Variants in DCAF11 observed in about 807,000 individuals in gnomAD.
The protein encoded by DCAF11 is DDB1 and CUL4 associated factor 11, also known as DDB1- and CUL4-associated factor 11.
A neutral mutation model predicts 76.1 loss-of-function variants in DCAF11; 44 were observed. The observed-to-expected ratio is 0.58, with a 90% confidence interval of 0.45 to 0.74. DCAF11 has a LOEUF of 0.74. Among genes scored for constraint, DCAF11 ranks in the 30% least tolerant of loss-of-function variants. The probability of loss-of-function intolerance (pLI) is 0.00; values close to 1 mark genes in which losing one functional copy is unlikely to be tolerated. For missense variants in DCAF11, 604 were observed against 709.4 expected (o/e 0.85, Z 1.69); for synonymous variants, 258 against 255.0 (o/e 1.01, Z -0.11).
At position 24,114,914 on chromosome 14, in the gene DCAF11, G is replaced by A. The variant is rs2037505450; in HGVS notation, c.-593G>A. 3.0e-6 allele frequency: 3 copies of A among 985,966 alleles called. No individual in the cohort carries two copies. The highest frequency in any genetic ancestry group is 3.6e-6 in the Non-Finnish European group (3 of 829,968). 61.1% of individuals were successfully genotyped at this position (985,966 alleles called of 1,614,324 possible). A position where few individuals can be genotyped will look rare whatever the true frequency, so the allele number is the denominator to read the frequency against. On this transcript the variant is annotated 5_prime_UTR_variant, in exon 1 of 15. Transcript: ENST00000446197. ...TCGCGCCGCTGCGGGTCCTGCGACCGCTCCTGGCTGGTGGGTGGTCTCGCG... is the reference window on the plus strand; with the variant it reads ...TCGCGCCGCTGCGGGTCCTGCGACCACTCCTGGCTGGTGGGTGGTCTCGCG...
chr14:24,117,893 T>C lies in DCAF11; in HGVS notation c.476+161T>C, dbSNP rs2037612504. 6.6e-6 allele frequency among the ~76,000 whole-genome samples: 1 copy of C among 152,188 alleles called. No individual in the cohort carries two copies. Among genetic ancestry groups the C allele is most frequent in the African/African-American group, 2.4e-5 (1 of 41,438 alleles). On this transcript the variant is annotated intron_variant, in intron 5 of 14. Coordinates refer to ENST00000446197, the MANE Select transcript of DCAF11 (RefSeq NM_025230.5). This position sits in a 1 kb window ranked among gnomAD's most constrained non-coding sequence, Gnocchi z 4.3. ...CAAAGTAGAAAAGTGTAGAAAATTG[T>C]AGAAATTTAGAGGATGGTGGAATGG...
chr14:24,118,897 G>T, intron 8 of DCAF11, 93 bp downstream of exon 8: 1 of 1,441,356 alleles, frequency 6.9e-7, no homozygotes. Flanking sequence ...TCTGTTTAGG[G>T]GAAAAAGTAT....
chr14:24,123,568 G>T lies in DCAF11; in HGVS notation c.*259G>T. ...CAGGACTGCCATTATCTGGGGTGTG[G>T]CCTCTGCCAGCAAGAGAAGTGTCCT... On this transcript the variant is annotated 3_prime_UTR_variant, in exon 15 of 15. Transcript: ENST00000446197. 2.3e-6 allele frequency: 1 copy of T among 437,102 alleles called. No individual in the cohort carries two copies. The highest frequency in any genetic ancestry group is 3.6e-5 in the East Asian group (1 of 28,070). The allele number at this position is 437,102 out of a possible 1,614,324, so 27.1% of individuals were successfully genotyped here.
At chr14:24,122,506 AGAAAAAG>A (rs2037709838) in intron 13 of DCAF11, among the ~76,000 whole-genome samples, 1 of 151,156 alleles carries the variant, frequency 6.6e-6, no homozygotes, top group African/African-American at 2.4e-5. Flanking sequence ...AAAAAAAAAA[AGAAAAAG>A]AAAAAAAAAA....
chr14:24,124,296 A>C lies in DCAF11; in HGVS notation c.*987A>C, dbSNP rs968147037. 1 of 152,282 alleles carries C rather than the reference A, an allele frequency of 6.6e-6. No homozygotes were observed. Among genetic ancestry groups the C allele is most frequent in the Admixed American group, 6.5e-5 (1 of 15,286 alleles). The allele number at this position is 152,282 out of a possible 1,614,324, so 9.4% of individuals were successfully genotyped here. A position where few individuals can be genotyped will look rare whatever the true frequency, so the allele number is the denominator to read the frequency against. ...TTTCCATTAGAGCCTGGTAATACCC[A>C]TATCACCTCTGCTCTGAGGCTGGGC... On this transcript the variant is annotated 3_prime_UTR_variant, in exon 15 of 15. Coordinates refer to ENST00000446197, the MANE Select transcript of DCAF11 (RefSeq NM_025230.5).
intron 13 of DCAF11, 155 bp downstream of exon 13, chr14:24,121,672 A>ATGGT: frequency 1.3e-6 from 1 of 774,066 alleles, no homozygotes; most frequent in Non-Finnish European, 2.0e-6. Context: ...AATAGAAACC[A>ATGGT]TTCTATTTTT....
intron 2 of DCAF11, among the ~76,000 whole-genome samples, chr14:24,116,644 T>A (rs2037576252): frequency 6.6e-6 from 1 of 152,236 alleles, no homozygotes; most frequent in South Asian, 2.1e-4. Context: ...GGTCTTGCTC[T>A]TGTTCTAAGG....
At chr14:24,118,685 C>T (rs1486649722) in intron 7 of DCAF11, 65 bp from the exon 8 acceptor site, 3 of 1,604,298 alleles carry the variant, frequency 1.9e-6, no homozygotes, top group Non-Finnish European at 1.7e-6. Context: ...GATCTCTTCC[C>T]TAGCTTCACT....
Position 24,121,500 on chromosome 14 carries a change from C to G in DCAF11, c.1382C>G (p.Ser461Cys), listed in dbSNP as rs2037690492. 2 of 1,614,132 alleles carry G rather than the reference C, an allele frequency of 1.2e-6. No homozygotes were observed. Among genetic ancestry groups the G allele is most frequent in the Non-Finnish European group, 1.7e-6 (2 of 1,180,016 alleles). The change falls in exon 13 of 15, where the codon TCC becomes TGC. Residue 461 changes from serine (S) to cysteine (C), a missense_variant. Physicochemically the swap from Ser to Cys is moderately radical, Grantham distance 112. Transcript: ENST00000446197. ...CAGCAGTTCATCTACAGTGGCTGCT[C>G]CACTGGCAAAGTGGTTGGTAAGGAT... ...TGQQFIYSGCSTGKVVVYDLL... is the reference protein window; with the variant it reads ...TGQQFIYSGCCTGKVVVYDLL...
chr14:24,119,316 C>A, intron 9 of DCAF11, 103 bp downstream of exon 9: 4 of 1,454,156 alleles, frequency 2.8e-6, no homozygotes, highest in Non-Finnish European at 3.9e-6. Flanking sequence ...CAGAGAACAA[C>A]CAGACCTTCT....
In DCAF11 at chr14:24,124,153, C is replaced by G. The variant is rs568782163; in HGVS notation, c.*844C>G. On this transcript the variant is annotated 3_prime_UTR_variant, in exon 15 of 15. Transcript: ENST00000446197. ...GCGATCCTGTGTAGGAGAAAATACCCTTCTGGTGCCCCATGAAAAAGGGAA... is the reference window on the plus strand; with the variant it reads ...GCGATCCTGTGTAGGAGAAAATACCGTTCTGGTGCCCCATGAAAAAGGGAA... 1.3e-5 allele frequency: 2 copies of G among 152,246 alleles called. No homozygotes were observed. The highest frequency in any genetic ancestry group is 4.8e-5 in the African/African-American group (2 of 41,466). 9.4% of individuals were successfully genotyped at this position (152,246 alleles called of 1,614,324 possible).
rs2037610678 is a variant in DCAF11 at position 24,117,771 on chromosome 14, A to ATAGGTCTTATCTCCTAAACTTTGAAGGG, written c.476+40_476+67dup. On this transcript the variant is annotated intron_variant, in intron 5 of 14. Transcript: ENST00000446197. This position sits in a 1 kb window ranked among gnomAD's most constrained non-coding sequence, Gnocchi z 4.3. ...TTGGTGAAGAGACTCTAAGGGCCAG[A>ATAGGTCTTATCTCCTAAACTTTGAAGGG]TAGGTCTTATCTCCTAAACTTTGAA... The ATAGGTCTTATCTCCTAAACTTTGAAGGG allele has an allele frequency of 5.6e-6, 9 of 1,600,430 alleles. No homozygotes were observed. Among genetic ancestry groups the ATAGGTCTTATCTCCTAAACTTTGAAGGG allele is most frequent in the African/African-American group, 1.3e-5 (1 of 74,582 alleles).
rs1455000830 is a variant in DCAF11 at position 24,119,363 on chromosome 14, C to T, written c.848+150C>T. ...GATTTACAAGTTGCTTCACCCCTTG[C>T]TCTCCATTTCCCCAGCACGAGATTG... is the stretch of plus-strand genomic sequence containing the variant. On this transcript the variant is annotated intron_variant, in intron 9 of 14. Coordinates refer to ENST00000446197, the MANE Select transcript of DCAF11 (RefSeq NM_025230.5). The T allele has an allele frequency of 7.4e-6, 9 of 1,219,680 alleles. No homozygotes were observed. The East Asian group carries it at 2.1e-4, about 29-fold the overall frequency. 75.6% of individuals were successfully genotyped at this position (1,219,680 alleles called of 1,614,324 possible).
Position 24,117,277 on chromosome 14 carries a change from C to T in DCAF11, c.295C>T (p.Pro99Ser). ...DRYNPPVDAT[P>S]DTRELEFNEI... ...CTTGGTACTCACAGTGGATGCTACC[C>T]CTGACACCCGGGAGCTGGAATTCAA... is the stretch of plus-strand genomic sequence containing the variant. The change falls in exon 4 of 15, where the codon CCT becomes TCT. Residue 99 changes from proline to serine, a missense_variant. Coordinates refer to ENST00000446197, the MANE Select transcript of DCAF11 (RefSeq NM_025230.5). The surrounding 1 kb of genome is among the most constrained non-coding windows in gnomAD (Gnocchi z 4.3). 6.2e-7 allele frequency: 1 copy of T among 1,614,196 alleles called. No individual in the cohort carries two copies. The highest frequency in any genetic ancestry group is 8.5e-7 in the Non-Finnish European group (1 of 1,180,036).
Position 24,125,239 on chromosome 14 carries a change from C to G in DCAF11, c.*1930C>G, listed in dbSNP as rs1338419982. Reference sequence around the variant, plus strand: ...AATAAATAATAAATAAATAAATGTTCAGATCCTTGGCTTCTGTGTTCTCAT... The same window carrying G: ...AATAAATAATAAATAAATAAATGTTGAGATCCTTGGCTTCTGTGTTCTCAT... On this transcript the variant is annotated 3_prime_UTR_variant, in exon 15 of 15. Transcript: ENST00000446197. 2.0e-5 allele frequency: 3 copies of G among 152,060 alleles called. No homozygotes were observed. Among genetic ancestry groups the G allele is most frequent in the Non-Finnish European group, 4.4e-5 (3 of 68,022 alleles). 9.4% of individuals were successfully genotyped at this position (152,060 alleles called of 1,614,324 possible). A position where few individuals can be genotyped will look rare whatever the true frequency, so the allele number is the denominator to read the frequency against.
In DCAF11 at chr14:24,117,846, G is replaced by C. The variant is rs1566591647; in HGVS notation, c.476+114G>C. On this transcript the variant is annotated intron_variant, in intron 5 of 14. Coordinates refer to ENST00000446197, the MANE Select transcript of DCAF11 (RefSeq NM_025230.5). The surrounding 1 kb of genome is among the most constrained non-coding windows in gnomAD (Gnocchi z 4.3). ...GAGATATTAAAGGTTAGGTTAAATG[G>C]GGTTGAAACTTTGAGAGTAAACAAA... is the stretch of plus-strand genomic sequence containing the variant. 5 of 1,165,858 alleles carry C rather than the reference G, an allele frequency of 4.3e-6. No individual in the cohort carries two copies. In the East Asian group the frequency reaches 1.2e-4, roughly 28 times the overall value. 72.2% of individuals were successfully genotyped at this position (1,165,858 alleles called of 1,614,324 possible).
intron 2 of DCAF11, 102 bp from the exon 3 acceptor site, chr14:24,116,815 A>G (rs1347559391): frequency 1.3e-6 from 2 of 1,548,616 alleles, no homozygotes; most frequent in Non-Finnish European, 1.8e-6. Flanking sequence ...TCAAACCTCA[A>G]AATGAGTACC....
At position 24,119,224 on chromosome 14, in the gene DCAF11, G is replaced by T; in HGVS notation, c.848+11G>T. ...AGAAGTACTAGGAGGGTAAGTGCTTGTGGGGTATGTTTCCCTCAATAACAA... is the reference window on the plus strand; with the variant it reads ...AGAAGTACTAGGAGGGTAAGTGCTTTTGGGGTATGTTTCCCTCAATAACAA... On this transcript the variant is annotated intron_variant, in intron 9 of 14. Coordinates refer to ENST00000446197, the MANE Select transcript of DCAF11 (RefSeq NM_025230.5). The T allele has an allele frequency of 6.2e-7, 1 of 1,614,140 alleles. No individual in the cohort carries two copies. The highest frequency in any genetic ancestry group is 8.5e-7 in the Non-Finnish European group (1 of 1,179,980).
At chr14:24,118,857 C>T in intron 8 of DCAF11, 53 bp downstream of exon 8, 1 of 1,591,022 alleles carries the variant, frequency 6.3e-7, no homozygotes, top group Non-Finnish European at 8.6e-7. Flanking sequence ...AAGGGAAGCT[C>T]TTTGGGAGCA....
Sources: gnomAD v4.1 joint callset for allele counts (sites outside exome capture counted in the v4.1 genomes callset) on GRCh38, gnomAD v4.1.1 for gene constraint, Gnocchi (gnomAD v3.1) non-coding constraint, MANE v1.5 for transcripts, NCBI Gene and HGNC (gene_info 2026-07-23, HGNC 2026-07-21) for gene names.